STAG2: variants seen among roughly 807,000 people sequenced by gnomAD.
STAG2 encodes STAG2 cohesin complex component.
Under a neutral mutation model 108.1 loss-of-function variants are expected in STAG2, and 14 were observed. The ratio of observed to expected loss-of-function variants is 0.13; its 90% CI spans 0.09 to 0.20. The LOEUF (loss-of-function observed/expected upper bound fraction) is 0.20. Ranked by LOEUF, STAG2 falls within the 10% of genes least tolerant of loss-of-function variation. The pLI is 1.00. For synonymous variants in STAG2, 307 were observed against 302.7 expected (o/e 1.01, Z -0.15); for missense variants, 440 against 940.9 (o/e 0.47, Z 6.96).
intron 6 of STAG2, among the ~76,000 whole-genome samples, chrX:124,042,131 A>G (rs2057738720): frequency 9.0e-6 from 1 of 111,625 alleles, no homozygotes; most frequent in African/African-American, 3.3e-5. Context: ...AGTGCTTAAT[A>G]AAGAGACTTG....
At chrX:124,025,698 G>A (rs2057070685) in intron 3 of STAG2, 142 bp from the exon 4 acceptor site, 2 of 365,955 alleles carry the variant, frequency 5.5e-6, no homozygotes, top group Non-Finnish European at 9.6e-6. Context: ...GATGTTTTGG[G>A]GAAACATCTT....
chrX:124,090,421 A>G (rs773047388), intron 30 of STAG2, among the ~76,000 whole-genome samples, 154 bp from the exon 31 acceptor site: 1 of 110,899 alleles, frequency 9.0e-6, no homozygotes, highest in East Asian at 2.8e-4. Flanking sequence ...CTCTAAGGCC[A>G]GGTCAGGGAC....
chrX:124,002,743 G>A (rs889601591), intron 1 of STAG2, among the ~76,000 whole-genome samples: 18 of 110,033 alleles, frequency 1.6e-4, no homozygotes, highest in African/African-American at 5.9e-4. Flanking sequence ...TCCTGCTTCA[G>A]CCTCCTGAGT....
chrX:124,069,137 C>T (rs73630736), intron 24 of STAG2, among the ~76,000 whole-genome samples: 1,673 of 111,761 alleles, frequency 0.015, 28 homozygotes, highest in African/African-American at 0.052. Context: ...ACCTTCCCAA[C>T]GCGTATGCCT....
chrX:124,057,171 C>T (rs1373344898), intron 14 of STAG2, among the ~76,000 whole-genome samples: 9 of 112,220 alleles, frequency 8.0e-5, no homozygotes, highest in Non-Finnish European at 1.7e-4. Context: ...TCCTATTTAA[C>T]TCAGATTAGG....
At chrX:124,059,837 G>A in intron 15 of STAG2, among the ~76,000 whole-genome samples, 2 of 109,487 alleles carry the variant, frequency 1.8e-5, no homozygotes, top group South Asian at 7.9e-4. Flanking sequence ...GTTTATTTTA[G>A]AATTTTGTAG....
chrX:124,034,306 A>G (rs2057439059), intron 5 of STAG2, among the ~76,000 whole-genome samples: 1 of 111,962 alleles, frequency 8.9e-6, no homozygotes, highest in African/African-American at 3.2e-5. Context: ...AAGTGGGACT[A>G]CAGGCACATG....
At chrX:124,068,497 A>G in intron 23 of STAG2, 67 bp from the exon 24 acceptor site, 1 of 735,803 alleles carries the variant, frequency 1.4e-6, no homozygotes, top group Non-Finnish European at 2.0e-6. Flanking sequence ...ATAATTGAAA[A>G]CATTTTAAAG....
At chrX:123,997,173 A>G (rs1402870924) in intron 1 of STAG2, among the ~76,000 whole-genome samples, 1 of 111,848 alleles carries the variant, frequency 8.9e-6, no homozygotes, top group Non-Finnish European at 1.9e-5. Context: ...GAGTCTTCCA[A>G]CTTTGTTCTT....
intron 5 of STAG2, among the ~76,000 whole-genome samples, chrX:124,035,211 G>A (rs1042407405): frequency 9.0e-6 from 1 of 111,337 alleles, no homozygotes; most frequent in African/African-American, 3.3e-5. Flanking sequence ...GAAAGTATGC[G>A]TGTGCCCCTT....
intron 1 of STAG2, among the ~76,000 whole-genome samples, chrX:123,977,666 G>C (rs1333225281): frequency 9.1e-6 from 1 of 109,869 alleles, no homozygotes; most frequent in Non-Finnish European, 1.9e-5. Context: ...AGAAAAATTA[G>C]TCCATTTAAA....
intron 24 of STAG2, 60 bp downstream of exon 24, chrX:124,068,716 AT>A: frequency 1.2e-6 from 1 of 821,075 alleles, no homozygotes; most frequent in Non-Finnish European, 1.7e-6. Flanking sequence ...ATCTGAACTA[AT>A]GTAGAAAGTT....
At chrX:124,017,636 G>A (rs2056778861) in intron 1 of STAG2, among the ~76,000 whole-genome samples, 1 of 111,553 alleles carries the variant, frequency 9.0e-6, no homozygotes, top group Admixed American at 9.6e-5. Flanking sequence ...GATGAATGTA[G>A]GAAGTCATTC....
intron 15 of STAG2, 68 bp downstream of exon 15, chrX:124,058,045 C>A: frequency 7.2e-6 from 4 of 557,629 alleles, no homozygotes; most frequent in East Asian, 4.3e-5. Context: ...AAATGAGGCA[C>A]ATTTAAAAAA....
At chrX:124,065,732 A>G (rs2058506995) in intron 20 of STAG2, 144 bp from the exon 21 acceptor site, 1 of 337,956 alleles carries the variant, frequency 3.0e-6, no homozygotes, top group Admixed American at 6.1e-5. Context: ...ATTGCCTTAA[A>G]TTTGGCCAGA....
chrX:124,001,903 A>G (rs188714955), intron 1 of STAG2, among the ~76,000 whole-genome samples: 3 of 111,934 alleles, frequency 2.7e-5, no homozygotes, highest in East Asian at 5.6e-4. Context: ...CACCCATGAT[A>G]TATACTCCCT....
intron 27 of STAG2, among the ~76,000 whole-genome samples, chrX:124,080,807 A>G (rs2058938509): frequency 8.9e-6 from 1 of 112,233 alleles, no homozygotes; most frequent in Admixed American, 9.4e-5. Context: ...ACGACTATAT[A>G]ATATTCCATT....
chrX:124,056,605 C>T (rs1277577969), intron 14 of STAG2, among the ~76,000 whole-genome samples: 2 of 107,238 alleles, frequency 1.9e-5, no homozygotes, highest in Non-Finnish European at 1.9e-5. Context: ...TGGTGGCGGG[C>T]GCCTGTAGTC....
chrX:124,070,547 C>G (rs1460786142), intron 24 of STAG2, among the ~76,000 whole-genome samples: 1 of 111,844 alleles, frequency 8.9e-6, no homozygotes, highest in Non-Finnish European at 1.9e-5. Flanking sequence ...CAACTTCAGC[C>G]TTATGTTTAT....
Sources: gnomAD v4.1 joint callset for allele counts (sites outside exome capture counted in the v4.1 genomes callset) on GRCh38, gnomAD v4.1.1 for gene constraint, MANE v1.5 for transcripts, NCBI Gene and HGNC (gene_info 2026-07-23, HGNC 2026-07-21) for gene names.